Variants in FAM184B observed in about 807,000 individuals in gnomAD.
The protein encoded by FAM184B is family with sequence similarity 184 member B.
A neutral mutation model predicts 135.9 loss-of-function variants in FAM184B; 111 were observed. That is an observed-to-expected ratio of 0.82 (90% CI 0.70 to 0.96). The LOEUF is 0.96. FAM184B is among the 40% of genes least tolerant of loss of function. FAM184B has a pLI of 0.00. For synonymous variants in FAM184B, 552 were observed against 524.8 expected (o/e 1.05, Z -0.71); for missense variants, 1,375 against 1,323.9 (o/e 1.04, Z -0.60).
chr4:17,718,095 G>C (rs887557183), intron 1 of FAM184B, among the ~76,000 whole-genome samples: 2 of 152,302 alleles, frequency 1.3e-5, no homozygotes, highest in Admixed American at 6.5e-5. Flanking sequence ...CTGAACCTGA[G>C]TCTCAGTTAC....
chr4:17,763,875 G>A (rs1388283140), intron 1 of FAM184B, among the ~76,000 whole-genome samples: 9 of 152,144 alleles, frequency 5.9e-5, no homozygotes, highest in Non-Finnish European at 1.0e-4. Flanking sequence ...GAAAGTGAAC[G>A]AAAACAAGGC....
At chr4:17,658,314 C>T in intron 10 of FAM184B, 36 bp downstream of exon 10, 1 of 1,544,462 alleles carries the variant, frequency 6.5e-7, no homozygotes, top group African/African-American at 1.4e-5. Flanking sequence ...CTAGCAGGTG[C>T]CCGGCACAGA....
chr4:17,696,708 G>A (rs1263617858), intron 5 of FAM184B, among the ~76,000 whole-genome samples: 1 of 152,218 alleles, frequency 6.6e-6, no homozygotes, highest in Non-Finnish European at 1.5e-5. Flanking sequence ...AGCTACTCAG[G>A]GGGCCGAGGC....
rs952233407 is a variant in FAM184B, at chr4:17,652,371, G to A, written c.2191+459C>T. Among the ~76,000 whole-genome samples, 10 of 152,142 alleles carry A rather than the reference G, an allele frequency of 6.6e-5. No homozygotes were observed. The South Asian group carries it at 1.0e-3, about 16-fold the overall frequency. On this transcript the variant is annotated intron_variant, in intron 11 of 17. Coordinates refer to ENST00000265018, the MANE Select transcript of FAM184B (RefSeq NM_015688.2). ...TATCTCCTGACCTTGTGATCCACCC[G>A]CCTCAGCCTCCCAAAGTGCTGGGAT...
chr4:17,694,215 C>A (rs1716802276), intron 5 of FAM184B, among the ~76,000 whole-genome samples: 1 of 152,100 alleles, frequency 6.6e-6, no homozygotes, highest in South Asian at 2.1e-4. Flanking sequence ...TGGTAGATGA[C>A]AAGCACTAAT....
intron 10 of FAM184B, among the ~76,000 whole-genome samples, chr4:17,653,929 A>AGGGAGAGGGAGGGAG (rs1171394184): frequency 1.2e-4 from 9 of 72,238 alleles, no homozygotes; most frequent in East Asian, 5.4e-4. Context: ...AGGGAGGGGG[A>AGGGAGAGGGAGGGAG]GGGGGATTTG....
chr4:17,652,958 T>C lies in FAM184B; in HGVS notation c.2063A>G (p.Glu688Gly). The change falls in exon 11 of 18, where the codon GAA (glutamate) becomes GGA (glycine). Residue 688 changes from glutamate (E) to glycine (G), a missense_variant. Coordinates refer to ENST00000265018, the MANE Select transcript of FAM184B (RefSeq NM_015688.2). ...LKATEERLKK[E>G]SSHSLQIQHQ... ...TTGGATCTGGAGGCTGTGGCTGGAT[T>C]CCTTCTTCAAGCGTTCCTCTGTGGC... 6.4e-7 allele frequency: 1 copy of C among 1,551,690 alleles called. No individual in the cohort carries two copies. The highest frequency in any genetic ancestry group is 8.7e-7 in the Non-Finnish European group (1 of 1,146,984).
intron 1 of FAM184B, among the ~76,000 whole-genome samples, chr4:17,780,786 C>G (rs937448240): frequency 6.6e-6 from 1 of 152,058 alleles, no homozygotes; most frequent in Non-Finnish European, 1.5e-5. Context: ...TTAAATAGAG[C>G]CCACATGACC....
At chr4:17,668,330 A>G (rs749593144) in intron 7 of FAM184B, among the ~76,000 whole-genome samples, 1 of 152,202 alleles carries the variant, frequency 6.6e-6, no homozygotes, top group Non-Finnish European at 1.5e-5. Context: ...CATATCCTAT[A>G]TCATTCTTAG....
chr4:17,712,193 A>G (rs984430617), intron 1 of FAM184B, among the ~76,000 whole-genome samples: 19 of 152,236 alleles, frequency 1.2e-4, no homozygotes, highest in Admixed American at 1.1e-3. Context: ...TTCAAGGTGC[A>G]GCAAGATGGA....
chr4:17,693,175 C>T (rs1057421846), intron 6 of FAM184B, 127 bp downstream of exon 6: 7 of 650,644 alleles, frequency 1.1e-5, no homozygotes, highest in Non-Finnish European at 1.9e-5. Flanking sequence ...TGCACGCCCC[C>T]CGAGACAGCC....
At chr4:17,694,260 A>T (rs1716804191) in intron 5 of FAM184B, among the ~76,000 whole-genome samples, 1 of 152,164 alleles carries the variant, frequency 6.6e-6, no homozygotes, top group South Asian at 2.1e-4. Context: ...GCGGTGGCTG[A>T]CGCCTGTAAT....
chr4:17,692,876 G>T (rs1716766707), intron 6 of FAM184B, among the ~76,000 whole-genome samples: 1 of 152,086 alleles, frequency 6.6e-6, no homozygotes, highest in African/African-American at 2.4e-5. Flanking sequence ...TCAGAAAAAA[G>T]TATAGTCTGG....
At chr4:17,773,805 G>A (rs1355871235) in intron 1 of FAM184B, among the ~76,000 whole-genome samples, 4 of 152,112 alleles carry the variant, frequency 2.6e-5, no homozygotes, top group Admixed American at 6.6e-5. Flanking sequence ...TTGAACTCCC[G>A]ACCTCAGGTG....
In FAM184B at chr4:17,728,927, C is replaced by T. The variant is rs141591718; in HGVS notation, c.142-19283G>A. 5.7e-3 allele frequency among the ~76,000 whole-genome samples: 866 copies of T among 152,206 alleles called. 10 individuals carry two copies. Among genetic ancestry groups the T allele is most frequent in the African/African-American group, 0.02 (823 of 41,524 alleles). On this transcript the variant is annotated intron_variant, in intron 1 of 17. Transcript: ENST00000265018. The stretch of plus-strand genomic sequence containing the variant: ...AGGACAGTGGGTACAGTGCACCATG[C>T]GCGAGCTGAAGCAGGGCGAGGCATT...
intron 12 of FAM184B, among the ~76,000 whole-genome samples, chr4:17,646,538 C>T (rs1270254675): frequency 6.6e-6 from 1 of 151,766 alleles, no homozygotes; most frequent in African/African-American, 2.4e-5. Flanking sequence ...AATGAGAACA[C>T]TTGGACACAG....
At chr4:17,707,590 C>T in intron 3 of FAM184B, 59 bp downstream of exon 3, 2 of 1,541,354 alleles carry the variant, frequency 1.3e-6, no homozygotes, top group Non-Finnish European at 1.8e-6. Context: ...CCAGTAGCAC[C>T]AGACCAACCT....
Position 17,747,146 on chromosome 4 carries a change from C to T in FAM184B, c.141+34013G>A, listed in dbSNP as rs952078801. Among the ~76,000 whole-genome samples the T allele has an allele frequency of 6.6e-5, 10 of 151,750 alleles. No individual in the cohort carries two copies. In the South Asian group the frequency reaches 1.5e-3, roughly 22 times the overall value. The stretch of plus-strand genomic sequence containing the variant: ...TGGGTACGTATAATGTGCTGTGGGG[C>T]ACCATAGGAAGTCACTGATGCTGCA... On this transcript the variant is annotated intron_variant, in intron 1 of 17. Transcript: ENST00000265018.
At chr4:17,725,756 G>T (rs1717624588) in intron 1 of FAM184B, among the ~76,000 whole-genome samples, 1 of 152,126 alleles carries the variant, frequency 6.6e-6, no homozygotes, top group Non-Finnish European at 1.5e-5. Flanking sequence ...ATTCCTAAAA[G>T]TCTTTCCTTG....
Sources: allele counts gnomAD v4.1 joint callset (sites outside exome capture counted in the v4.1 genomes callset), GRCh38; gene constraint gnomAD v4.1.1; transcripts MANE v1.5; gene names NCBI Gene and HGNC (gene_info 2026-07-23, HGNC 2026-07-21).